Variants in MAP3K21 observed in about 807,000 individuals in gnomAD.
MAP3K21 encodes the protein mitogen-activated protein kinase kinase kinase MLK4.
MAP3K21 carries 63 observed loss-of-function variants against 86.1 expected under a neutral mutation model. The ratio of observed to expected loss-of-function variants is 0.73; its 90% CI spans 0.60 to 0.90. MAP3K21 has a LOEUF of 0.90. MAP3K21 is among the 40% of genes least tolerant of loss of function. MAP3K21 has a pLI of 0.00. For missense variants in MAP3K21, 1,220 were observed against 1,367.7 expected (o/e 0.89, Z 1.70); for synonymous variants, 558 against 564.8 (o/e 0.99, Z 0.17).
At chr1:233,356,459 T>C (rs1663358205) in intron 4 of MAP3K21, among the ~76,000 whole-genome samples, 1 of 144,838 alleles carries the variant, frequency 6.9e-6, no homozygotes, top group Non-Finnish European at 1.5e-5. Context: ...TTATTACTGT[T>C]TTAATGAGCA....
At chr1:233,367,953 C>A (rs1488175027) in intron 5 of MAP3K21, among the ~76,000 whole-genome samples, 2 of 152,092 alleles carry the variant, frequency 1.3e-5, no homozygotes, top group Admixed American at 6.5e-5. Flanking sequence ...AGGTTGGAAG[C>A]ACTCTGAATC....
intron 2 of MAP3K21, among the ~76,000 whole-genome samples, chr1:233,347,030 C>A (rs1390327457): frequency 1.3e-5 from 2 of 152,110 alleles, no homozygotes; most frequent in African/African-American, 4.8e-5. Context: ...TGTGCACTAC[C>A]ATGCCTGGCT....
intron 8 of MAP3K21, among the ~76,000 whole-genome samples, chr1:233,378,600 T>C (rs1663842813): frequency 6.6e-6 from 1 of 152,186 alleles, no homozygotes; most frequent in South Asian, 2.1e-4. Flanking sequence ...ATTTAGTGAT[T>C]TTGTGCCTAT....
At chr1:233,332,666 G>C (rs1662830908) in intron 1 of MAP3K21, among the ~76,000 whole-genome samples, 1 of 152,150 alleles carries the variant, frequency 6.6e-6, no homozygotes, top group African/African-American at 2.4e-5. Context: ...GTTACCAGGG[G>C]GCAGTGAAGA....
chr1:233,339,667 A>AG (rs1433632080), intron 1 of MAP3K21, among the ~76,000 whole-genome samples: 1 of 151,654 alleles, frequency 6.6e-6, no homozygotes, highest in Non-Finnish European at 1.5e-5. Context: ...GTTCTTTTGT[A>AG]GGGGTTGGTT....
intron 4 of MAP3K21, among the ~76,000 whole-genome samples, chr1:233,359,674 A>T (rs1352443861): frequency 1.3e-5 from 2 of 152,140 alleles, no homozygotes; most frequent in Non-Finnish European, 2.9e-5. Flanking sequence ...GTGACCCCCC[A>T]CACAGAGGCA....
Sources: allele counts gnomAD v4.1 joint callset (sites outside exome capture counted in the v4.1 genomes callset), GRCh38; gene constraint gnomAD v4.1.1; transcripts MANE v1.5; gene names NCBI Gene and HGNC (gene_info 2026-07-23, HGNC 2026-07-21).